ZNF536: variants seen among roughly 807,000 people sequenced by gnomAD.
ZNF536 encodes the protein zinc finger protein 536.
Under a neutral mutation model 84.5 loss-of-function variants are expected in ZNF536, and 13 were observed. That is an observed-to-expected ratio of 0.15 (90% CI 0.10 to 0.24). ZNF536 has a LOEUF of 0.24. Ranked by LOEUF, ZNF536 falls within the 10% of genes least tolerant of loss-of-function variation. The pLI, the probability that ZNF536 is intolerant of heterozygous loss-of-function variation, is 1.00. For synonymous variants in ZNF536, 811 were observed against 742.5 expected, an observed-to-expected ratio of 1.09 and a Z score of -1.50; for missense variants, 1,536 against 1,747.5, an observed-to-expected ratio of 0.88 and a Z score of 2.16.
intron 1 of ZNF536, among the ~76,000 whole-genome samples, chr19:30,261,724 GA>G (rs2025237488): frequency 2.0e-5 from 3 of 146,632 alleles, no homozygotes; most frequent in Non-Finnish European, 4.5e-5. Flanking sequence ...AAAAGAAAAA[GA>G]AAAGTGAGTT....
At chr19:30,245,738 A>G (rs1386820677) in intron 1 of ZNF536, among the ~76,000 whole-genome samples, 2 of 152,334 alleles carry the variant, frequency 1.3e-5, no homozygotes, top group East Asian at 1.9e-4. Context: ...TCAAGGGCGC[A>G]TGTTATGATA....
intron 2 of ZNF536, among the ~76,000 whole-genome samples, chr19:30,287,467 TG>T (rs2045674622): frequency 6.7e-6 from 1 of 148,242 alleles, no homozygotes; most frequent in African/African-American, 2.5e-5. Flanking sequence ...TGATGGAGGA[TG>T]GATAGATGGA....
Position 30,536,170 on chromosome 19 carries a change from C to T in ZNF536, c.2323+1171C>T, listed in dbSNP as rs570467058. On this transcript the variant is annotated intron_variant, in intron 3 of 4. Transcript: ENST00000355537. ...CATGCGACCTGCCCATGCCTTGCCC[C>T]GGCCCCATCCTGCCCCCTTCTTCAT... is the stretch of plus-strand genomic sequence containing the variant. Among the ~76,000 whole-genome samples, 18 of 152,298 alleles carry T rather than the reference C, an allele frequency of 1.2e-4. 1 individual carries two copies. The highest frequency in any genetic ancestry group is 3.6e-4 in the African/African-American group (15 of 41,570).
intron 1 of ZNF536, among the ~76,000 whole-genome samples, chr19:30,270,925 T>C (rs1236623618): frequency 6.6e-6 from 1 of 152,222 alleles, no homozygotes; most frequent in African/African-American, 2.4e-5. Flanking sequence ...ATTCTGGTTT[T>C]AGTGACATTG....
chr19:30,235,579 G>A (rs1599832858), intron 1 of ZNF536, among the ~76,000 whole-genome samples: 1 of 152,154 alleles, frequency 6.6e-6, no homozygotes, highest in East Asian at 1.9e-4. Context: ...TCTTTGAATA[G>A]CTTGATATTT....
intron 1 of ZNF536, among the ~76,000 whole-genome samples, chr19:30,266,377 C>T (rs557546652): frequency 3.0e-4 from 45 of 152,244 alleles, no homozygotes; most frequent in African/African-American, 8.4e-4. Flanking sequence ...ATCCCCATCA[C>T]GGTCAGACTG....
chr19:30,376,089 G>T (rs1166069069), intron 1 of ZNF536, among the ~76,000 whole-genome samples: 3 of 152,096 alleles, frequency 2.0e-5, no homozygotes, highest in Admixed American at 6.5e-5. Flanking sequence ...TGTCTTGAGG[G>T]TGGGGACAGC....
chr19:30,529,976 C>A (rs1316666039), intron 2 of ZNF536, among the ~76,000 whole-genome samples: 1 of 152,198 alleles, frequency 6.6e-6, no homozygotes, highest in East Asian at 1.9e-4. Flanking sequence ...GCTGTTTCTC[C>A]ATCAAGTGGG....
At chr19:30,275,683 A>G (rs1329846977) in intron 1 of ZNF536, among the ~76,000 whole-genome samples, 3 of 152,138 alleles carry the variant, frequency 2.0e-5, no homozygotes, top group Non-Finnish European at 2.9e-5. Context: ...TCAATAAATG[A>G]TAATACCCAC....
intron 1 of ZNF536, among the ~76,000 whole-genome samples, chr19:30,231,702 T>C (rs866265845): frequency 3.3e-5 from 5 of 152,160 alleles, no homozygotes; most frequent in African/African-American, 9.7e-5. Context: ...CTTGGTGGCA[T>C]TGAACGTCCT....
chr19:30,237,589 C>T (rs907011433), intron 1 of ZNF536, among the ~76,000 whole-genome samples: 1 of 152,168 alleles, frequency 6.6e-6, no homozygotes, highest in Non-Finnish European at 1.5e-5. Flanking sequence ...CTATCATCAA[C>T]GGACTCTTAA....
At chr19:30,460,542 C>A (rs754202981) in intron 2 of ZNF536, among the ~76,000 whole-genome samples, 3 of 152,140 alleles carry the variant, frequency 2.0e-5, no homozygotes, top group Admixed American at 6.6e-5. Flanking sequence ...TCAGCGAGTT[C>A]TTTGGCCACT....
intron 1 of ZNF536, among the ~76,000 whole-genome samples, chr19:30,273,231 G>T (rs1450582180): frequency 6.7e-6 from 1 of 148,432 alleles, no homozygotes; most frequent in Non-Finnish European, 1.5e-5. Context: ...GTGTGTGTGT[G>T]TATACCTAAG....
intron 1 of ZNF536, among the ~76,000 whole-genome samples, chr19:30,397,736 G>T (rs2049880039): frequency 6.6e-6 from 1 of 152,146 alleles, no homozygotes; most frequent in African/African-American, 2.4e-5. Flanking sequence ...TCAACAATAA[G>T]ACCCCTTAAT....
chr19:30,365,151 G>T (rs1380135944), intron 3 of ZNF536, among the ~76,000 whole-genome samples: 1 of 152,192 alleles, frequency 6.6e-6, no homozygotes, highest in Non-Finnish European at 1.5e-5. Context: ...TTTACTCAGG[G>T]TATAAATAGA....
intron 1 of ZNF536, among the ~76,000 whole-genome samples, chr19:30,229,571 T>TGC (rs138721161): frequency 1.3e-5 from 2 of 151,378 alleles, no homozygotes; most frequent in African/African-American, 4.9e-5. Context: ...CTGCGGGTGG[T>TGC]GGGGGGGGCT....
At chr19:30,672,345 G>A (rs1386129469) in intron 1 of ZNF536, among the ~76,000 whole-genome samples, 5 of 152,162 alleles carry the variant, frequency 3.3e-5, no homozygotes, top group Admixed American at 1.3e-4. Context: ...TCCCAAGTTG[G>A]TACCCTTACA....
At chr19:30,273,209 TTGTG>T (rs59032608) in intron 1 of ZNF536, among the ~76,000 whole-genome samples, 14 of 150,334 alleles carry the variant, frequency 9.3e-5, no homozygotes, top group African/African-American at 2.4e-4. Context: ...GCCATGCAGA[TTGTG>T]TGTGTGTGTG....
rs1293453421 is a variant in ZNF536, at chr19:30,548,482, G to A, written c.2863G>A (p.Gly955Ser). Reference protein sequence around the residue: ...PSMKVHGVDGGEEKPSGKSSQ... With the variant: ...PSMKVHGVDGSEEKPSGKSSQ... ...CATGAAAGTCCACGGAGTGGATGGT[G>A]GTGAGGAGAAACCCAGTGGCAAGTC... The change falls in exon 4 of 5, where the codon GGT becomes AGT. Residue 955 changes from glycine to serine, a missense_variant. Transcript: ENST00000355537. 3 of 1,614,184 alleles carry A rather than the reference G, an allele frequency of 1.9e-6. No homozygotes were observed. The East Asian group carries it at 6.7e-5, about 36-fold the overall frequency.
Sources: allele counts gnomAD v4.1 joint callset (sites outside exome capture counted in the v4.1 genomes callset), GRCh38; gene constraint gnomAD v4.1.1; transcripts MANE v1.5; gene names NCBI Gene and HGNC (gene_info 2026-07-23, HGNC 2026-07-21).